Variants in MCC observed in about 807,000 individuals in gnomAD.
The protein encoded by MCC is colorectal mutant cancer protein.
In MCC, 90 loss-of-function variants were observed where a neutral mutation model predicts 116.2. That is an observed-to-expected ratio of 0.77 (90% CI 0.65 to 0.92). The LOEUF is 0.92. MCC is among the 40% of genes least tolerant of loss of function. The pLI is 0.00. For synonymous variants in MCC, 578 were observed against 510.5 expected, an observed-to-expected ratio of 1.13 and a Z score of -1.78; for missense variants, 1,516 against 1,312.2, an observed-to-expected ratio of 1.16 and a Z score of -2.40.
At chr5:113,350,838 G>GA (rs1768249478) in intron 2 of MCC, among the ~76,000 whole-genome samples, 1 of 151,422 alleles carries the variant, frequency 6.6e-6, no homozygotes, top group African/African-American at 2.4e-5. Flanking sequence ...AATCTAAAGG[G>GA]AAAAAAATCC....
chr5:113,434,143 C>G lies in MCC; in HGVS notation c.171-48931G>C, dbSNP rs55940513. On this transcript the variant is annotated intron_variant, in intron 1 of 18. Coordinates refer to ENST00000408903, the MANE Select transcript of MCC (RefSeq NM_001085377.2). This position sits in a 1 kb window ranked among gnomAD's most constrained non-coding sequence, Gnocchi z 4.2. ...AGGTGCTTGGAGCGTGGGAAGTTGACGCGGTGCTCCTTCTGGATACGCAGC... is the reference window on the plus strand; with the variant it reads ...AGGTGCTTGGAGCGTGGGAAGTTGAGGCGGTGCTCCTTCTGGATACGCAGC... The G allele has an allele frequency of 2.9e-3, 4,615 of 1,614,144 alleles. 96 individuals are homozygous for G. In the East Asian group the frequency reaches 0.046, roughly 16 times the overall value.
At chr5:113,142,827 A>G (rs1233316448) in intron 5 of MCC, among the ~76,000 whole-genome samples, 1 of 152,220 alleles carries the variant, frequency 6.6e-6, no homozygotes, top group Non-Finnish European at 1.5e-5. Context: ...TTTAGTATCA[A>G]CCCAGTGAAT....
rs1323604255 is a variant in MCC at position 113,041,960 on chromosome 5, G to A, written c.2756+1570C>T. The stretch of plus-strand genomic sequence containing the variant: ...TGCAGTGAGCCGAGATCGCACCACT[G>A]CACTCCAGCCTGGGCGACAGAGCGA... On this transcript the variant is annotated intron_variant, in intron 17 of 18. Transcript: ENST00000408903. Among the ~76,000 whole-genome samples the A allele has an allele frequency of 5.9e-5, 9 of 152,226 alleles. No individual in the cohort carries two copies. The South Asian group carries it at 6.2e-4, about 11-fold the overall frequency.
At chr5:113,061,362 G>C (rs1269123014) in intron 14 of MCC, among the ~76,000 whole-genome samples, 2 of 152,212 alleles carry the variant, frequency 1.3e-5, no homozygotes, top group South Asian at 2.1e-4. Context: ...AGAAGGAGCT[G>C]AACTGTGAGG....
intron 1 of MCC, among the ~76,000 whole-genome samples, chr5:113,480,576 T>C (rs1772352757): frequency 6.6e-6 from 1 of 152,160 alleles, no homozygotes; most frequent in Non-Finnish European, 1.5e-5. Flanking sequence ...TCTGAGAAAC[T>C]TCCATCAACG....
Position 113,408,868 on chromosome 5 carries a change from G to A in MCC, c.171-23656C>T, listed in dbSNP as rs541605403. 3.3e-5 allele frequency among the ~76,000 whole-genome samples: 5 copies of A among 152,302 alleles called. No homozygotes were observed. The East Asian group carries it at 9.6e-4, about 29-fold the overall frequency. On this transcript the variant is annotated intron_variant, in intron 1 of 18. Coordinates refer to ENST00000408903, the MANE Select transcript of MCC (RefSeq NM_001085377.2). Reference sequence around the variant, plus strand: ...ACATGTACCAGGCTTCAGGGCAGATGGCCTAGCCTGTCCCTACCATGTTTG... The same window carrying A: ...ACATGTACCAGGCTTCAGGGCAGATAGCCTAGCCTGTCCCTACCATGTTTG...
chr5:113,457,418 A>C (rs941290147), intron 1 of MCC, among the ~76,000 whole-genome samples: 4 of 152,190 alleles, frequency 2.6e-5, no homozygotes, highest in Non-Finnish European at 4.4e-5. Flanking sequence ...GCCATGCCTG[A>C]GCCTACCCCC....
At chr5:113,060,040 T>G (rs151305064) in intron 14 of MCC, among the ~76,000 whole-genome samples, 1 of 152,214 alleles carries the variant, frequency 6.6e-6, no homozygotes, top group African/African-American at 2.4e-5. Flanking sequence ...TAGAAGGACA[T>G]TTCATTTCTT....
intron 1 of MCC, among the ~76,000 whole-genome samples, chr5:113,481,617 T>C (rs1772380145): frequency 6.6e-6 from 1 of 152,046 alleles, no homozygotes; most frequent in Non-Finnish European, 1.5e-5. Flanking sequence ...CGCACACCTG[T>C]AGTCCCAGCT....
chr5:113,165,261 T>C (rs1581186432), intron 3 of MCC, among the ~76,000 whole-genome samples: 1 of 152,356 alleles, frequency 6.6e-6, no homozygotes, highest in Admixed American at 6.5e-5. Flanking sequence ...AAAAGCAGCC[T>C]GTCCTCCTAC....
intron 3 of MCC, among the ~76,000 whole-genome samples, chr5:113,333,836 T>TACGTATGTAC (rs372077130): frequency 1.7e-5 from 1 of 59,316 alleles, no homozygotes; most frequent in African/African-American, 1.0e-4. Flanking sequence ...TGTATATATG[T>TACGTATGTAC]ATATATGTAT....
intron 3 of MCC, among the ~76,000 whole-genome samples, chr5:113,170,565 T>C (rs562579516): frequency 6.6e-6 from 1 of 152,178 alleles, no homozygotes; most frequent in South Asian, 2.1e-4. Context: ...TTCCTAGGGA[T>C]ACCGGGGTCT....
chr5:113,246,368 T>C (rs972776677), intron 3 of MCC, among the ~76,000 whole-genome samples: 2 of 152,128 alleles, frequency 1.3e-5, no homozygotes, highest in Admixed American at 6.5e-5. Context: ...CTCATCTTGA[T>C]TTAGAGGAAG....
chr5:113,149,239 T>TA (rs532697646), intron 4 of MCC, among the ~76,000 whole-genome samples: 2,372 of 147,826 alleles, frequency 0.016, 62 homozygotes, highest in African/African-American at 0.052. Flanking sequence ...TATTTTCTCT[T>TA]AAAAAAAAAA....
chr5:113,133,245 A>C (rs1198174748), intron 5 of MCC, among the ~76,000 whole-genome samples: 1 of 151,810 alleles, frequency 6.6e-6, no homozygotes, highest in Non-Finnish European at 1.5e-5. Context: ...TCTTCTATCT[A>C]CCTATATTTT....
At chr5:113,099,628 A>G (rs1038612018) in intron 8 of MCC, among the ~76,000 whole-genome samples, 2 of 152,240 alleles carry the variant, frequency 1.3e-5, no homozygotes, top group Non-Finnish European at 2.9e-5. Flanking sequence ...GCAACCTGCC[A>G]AAGACTCGTG....
At chr5:113,418,689 T>TATCATC (rs58461374) in intron 1 of MCC, among the ~76,000 whole-genome samples, 21 of 131,216 alleles carry the variant, frequency 1.6e-4, no homozygotes, top group South Asian at 2.3e-4. Context: ...TCATCATTAT[T>TATCATC]ATCATCATCA....
intron 5 of MCC, among the ~76,000 whole-genome samples, chr5:113,142,602 C>T (rs998258649): frequency 4.1e-5 from 6 of 147,194 alleles, no homozygotes; most frequent in African/African-American, 9.7e-5. Flanking sequence ...AAGGCAGTCA[C>T]TCTCTTTAAG....
intron 1 of MCC, among the ~76,000 whole-genome samples, chr5:113,463,064 T>A (rs925734848): frequency 2.0e-5 from 3 of 152,166 alleles, no homozygotes; most frequent in African/African-American, 7.2e-5. Flanking sequence ...GAGCTGAGTT[T>A]ACAGTTTGAG....
Sources: allele counts gnomAD v4.1 joint callset (sites outside exome capture counted in the v4.1 genomes callset), GRCh38; gene constraint gnomAD v4.1.1; non-coding constraint Gnocchi (gnomAD v3.1); transcripts MANE v1.5; gene names NCBI Gene and HGNC (gene_info 2026-07-23, HGNC 2026-07-21).